CLCN6: variants seen among roughly 807,000 people sequenced by gnomAD.
CLCN6 encodes the protein Cl-/H+ antiporter 6.
In CLCN6, 70 loss-of-function variants were observed where a neutral mutation model predicts 109.8. That is an observed-to-expected ratio of 0.64 (90% CI 0.53 to 0.78). The LOEUF is 0.78. Among genes scored for constraint, CLCN6 ranks in the 30% least tolerant of loss-of-function variants. CLCN6 has a pLI of 0.00. For synonymous variants in CLCN6, 444 were observed against 447.8 expected, an observed-to-expected ratio of 0.99 and a Z score of 0.11; for missense variants, 984 against 1,142.3, an observed-to-expected ratio of 0.86 and a Z score of 2.00.
intron 6 of CLCN6, among the ~76,000 whole-genome samples, chr1:11,823,423 G>A (rs369232536): frequency 2.6e-4 from 39 of 151,980 alleles, no homozygotes; most frequent in African/African-American, 9.2e-4. Context: ...GTTGCAATGA[G>A]TGGAGATTGT....
intron 18 of CLCN6, 23 bp from the exon 19 acceptor site, chr1:11,836,976 G>A: frequency 6.2e-7 from 1 of 1,604,608 alleles, no homozygotes; most frequent in Non-Finnish European, 8.5e-7. Context: ...ATGCGCAGTA[G>A]CCTGTGGCCT....
At position 11,838,586 on chromosome 1, in the gene CLCN6, C is replaced by T; in HGVS notation, c.2455C>T (p.His819Tyr). The change falls in exon 22 of 23, where the codon CAC becomes TAC. Residue 819 changes from histidine to tyrosine, a missense_variant. His to Tyr is a moderately conservative substitution (Grantham distance 83). Transcript: ENST00000346436. ...PSPFTVSPNT[H>Y]VSQVFNLFRT... is the part of the protein sequence containing the mutation. ...GCCTTTCACCGTCTCGCCCAACACC[C>T]ACGTCTCCCAAGTCTTCAACCTGTT... The T allele has an allele frequency of 6.2e-7, 1 of 1,613,576 alleles. No homozygotes were observed. The highest frequency in any genetic ancestry group is 1.3e-5 in the African/African-American group (1 of 75,052).
intron 2 of CLCN6, among the ~76,000 whole-genome samples, chr1:11,815,138 A>G (rs1644653789): frequency 6.6e-6 from 1 of 152,148 alleles, no homozygotes; most frequent in South Asian, 2.1e-4. Context: ...AAAGATAATT[A>G]TAACTAATTG....
chr1:11,838,264 G>A, intron 20 of CLCN6, 71 bp from the exon 21 acceptor site: 2 of 1,368,348 alleles, frequency 1.5e-6, no homozygotes, highest in East Asian at 2.3e-5. Context: ...GGCATCAAGG[G>A]GAGGGGCTCT....
intron 14 of CLCN6, 76 bp from the exon 15 acceptor site, chr1:11,833,801 G>A (rs750305945): frequency 2.6e-6 from 4 of 1,565,498 alleles, no homozygotes; most frequent in Non-Finnish European, 3.5e-6. Context: ...GGTATGGGGT[G>A]TGGTCGGGCC....
In CLCN6 at chr1:11,806,418, G is replaced by T. The variant is rs1056951011; in HGVS notation, c.87+69G>T. 7.9e-6 allele frequency: 11 copies of T among 1,389,244 alleles called. No homozygotes were observed. In the African/African-American group the frequency reaches 1.7e-4, roughly 21 times the overall value. 86.1% of individuals were successfully genotyped at this position (1,389,244 alleles called of 1,614,324 possible). A position where few individuals can be genotyped will look rare whatever the true frequency, so the allele number is the denominator to read the frequency against. Reference sequence around the variant, plus strand: ...AGGGACTGAGAGAGGCGTTGCCGGGGGTGGGGCCGGGCCAATCTGGGCCCG... The same window carrying T: ...AGGGACTGAGAGAGGCGTTGCCGGGTGTGGGGCCGGGCCAATCTGGGCCCG... On this transcript the variant is annotated intron_variant, in intron 1 of 22. Transcript: ENST00000346436.
At chr1:11,810,425 C>T (rs2100603928) in intron 2 of CLCN6, among the ~76,000 whole-genome samples, 1 of 152,190 alleles carries the variant, frequency 6.6e-6, no homozygotes, top group Non-Finnish European at 1.5e-5. Flanking sequence ...GAATTAAAGG[C>T]CTCCCCCACT....
At chr1:11,809,458 C>A (rs4846055) in intron 2 of CLCN6, among the ~76,000 whole-genome samples, 1 of 151,930 alleles carries the variant, frequency 6.6e-6, no homozygotes, top group Admixed American at 6.5e-5. Flanking sequence ...TTTTGTTGTT[C>A]TTGTCATTGT....
At chr1:11,832,848 T>C (rs1463351410) in intron 13 of CLCN6, among the ~76,000 whole-genome samples, 3 of 152,118 alleles carry the variant, frequency 2.0e-5, no homozygotes, top group Non-Finnish European at 2.9e-5. Flanking sequence ...CCACACAGAA[T>C]GATGGCAAGA....
At chr1:11,827,322 G>GC (rs397753775) in intron 10 of CLCN6, 101 bp downstream of exon 10, 1 of 1,278,430 alleles carries the variant, frequency 7.8e-7, no homozygotes, top group African/African-American at 1.5e-5. Flanking sequence ...AGACTGGGGG[G>GC]TCAACTGGAT....
At chr1:11,819,351 A>G (rs1347085077) in intron 4 of CLCN6, 137 bp from the exon 5 acceptor site, 17 of 767,824 alleles carry the variant, frequency 2.2e-5, no homozygotes, top group Non-Finnish European at 2.6e-5. Context: ...TCTGCTGTGC[A>G]TTCACGTACT....
chr1:11,833,796 G>A (rs890521273), intron 14 of CLCN6, 81 bp from the exon 15 acceptor site: 4 of 1,564,726 alleles, frequency 2.6e-6, no homozygotes, highest in South Asian at 2.4e-5. Flanking sequence ...GAACTGGTAT[G>A]GGGTGTGGTC....
In CLCN6 at chr1:11,841,636, G is replaced by C. The variant is rs1047788110; in HGVS notation, c.*1413G>C. The C allele has an allele frequency of 6.6e-6, 1 of 152,200 alleles. No homozygotes were observed. Among genetic ancestry groups the C allele is most frequent in the African/African-American group, 2.4e-5 (1 of 41,436 alleles). 9.4% of individuals were successfully genotyped at this position (152,200 alleles called of 1,614,324 possible). Reference sequence around the variant, plus strand: ...ACCGTGGAGGTTGCCCACGGGCCTCGGCACCTGGCCCTGGCAGCACAGCTC... The same window carrying C: ...ACCGTGGAGGTTGCCCACGGGCCTCCGCACCTGGCCCTGGCAGCACAGCTC... On this transcript the variant is annotated 3_prime_UTR_variant, in exon 23 of 23. Transcript: ENST00000346436.
chr1:11,825,925 G>A (rs758413546), intron 8 of CLCN6, among the ~76,000 whole-genome samples: 2 of 152,180 alleles, frequency 1.3e-5, no homozygotes, highest in Non-Finnish European at 2.9e-5. Flanking sequence ...GAGCTACCAC[G>A]CCCAGCCTCC....
chr1:11,838,850 G>A, intron 22 of CLCN6, 190 bp downstream of exon 22: 3 of 818,438 alleles, frequency 3.7e-6, no homozygotes, highest in Admixed American at 4.0e-5. Flanking sequence ...GCCAGCAGAT[G>A]GCACCAGCGT....
chr1:11,834,545 G>A lies in CLCN6; in HGVS notation c.1748G>A (p.Arg583Gln), dbSNP rs150232531. 2.3e-5 allele frequency: 37 copies of A among 1,614,012 alleles called. No homozygotes were observed. The highest frequency in any genetic ancestry group is 1.6e-4 in the Middle Eastern group (1 of 6,084). Residue 583 changes from arginine to glutamine, a missense_variant, in exon 17 of 23, where the codon CGA becomes CAA. Physicochemically the swap from Arg to Gln is conservative, Grantham distance 43. Transcript: ENST00000346436. The surrounding 1 kb of genome is among the most constrained non-coding windows in gnomAD (Gnocchi z 4.5). ...KGIYDIHVGL[R>Q]GVPLLEWETE... ...ATTTATGATATCCACGTGGGCCTGC[G>A]AGGCGTGCCGCTTCTGGAATGGGAG...
At chr1:11,807,969 CAG>C (rs796811688) in intron 2 of CLCN6, among the ~76,000 whole-genome samples, 101 of 151,936 alleles carry the variant, frequency 6.6e-4, no homozygotes, top group African/African-American at 2.0e-3. Flanking sequence ...TTTTTTTTGA[CAG>C]AGTCTCACTC....
At chr1:11,837,223 G>A in intron 19 of CLCN6, 67 bp downstream of exon 19, 1 of 1,597,812 alleles carries the variant, frequency 6.3e-7, no homozygotes, top group Non-Finnish European at 8.5e-7. Flanking sequence ...CTTTGGCTCA[G>A]ATGTTGTGAG....
intron 18 of CLCN6, 89 bp from the exon 19 acceptor site, chr1:11,836,910 C>A: frequency 6.7e-7 from 1 of 1,487,288 alleles, no homozygotes. Context: ...GTGCTTCTGA[C>A]CCTCCCTGTC....
Sources: allele counts gnomAD v4.1 joint callset (sites outside exome capture counted in the v4.1 genomes callset), GRCh38; gene constraint gnomAD v4.1.1; non-coding constraint Gnocchi (gnomAD v3.1); transcripts MANE v1.5; gene names NCBI Gene and HGNC (gene_info 2026-07-23, HGNC 2026-07-21).